Variants in CHODL observed in about 807,000 individuals in gnomAD.
CHODL encodes transmembrane protein MT75.
Under a neutral mutation model 34.5 loss-of-function variants are expected in CHODL, and 29 were observed. That is an observed-to-expected ratio of 0.84 (90% CI 0.63 to 1.15). The LOEUF (loss-of-function observed/expected upper bound fraction) is 1.15, where lower values mean the gene tolerates loss of function less well. Among genes scored for constraint, CHODL ranks in the 50% most tolerant of loss-of-function variants. The pLI is 0.00. For synonymous variants in CHODL, 125 were observed against 116.1 expected (o/e 1.08, Z -0.49); for missense variants, 332 against 332.5 (o/e 1.00, Z 0.01).
At chr21:17,968,857 G>A (rs2063593373) in intron 1 of CHODL, among the ~76,000 whole-genome samples, 1 of 152,176 alleles carries the variant, frequency 6.6e-6, no homozygotes, top group Non-Finnish European at 1.5e-5. Context: ...CTCAGTGGTT[G>A]TATTACTGAA....
At position 18,007,114 on chromosome 21, in the gene CHODL, G is replaced by A. The variant is rs963131099; in HGVS notation, c.-144-20758G>A. 3.3e-5 allele frequency among the ~76,000 whole-genome samples: 5 copies of A among 152,048 alleles called. No homozygotes were observed. In the East Asian group the frequency reaches 9.6e-4, roughly 29 times the overall value. Reference sequence around the variant, plus strand: ...TAGGAGAGGTTCAAAGAATACGTGTGGAATTGAATTTTAAAAAAAACTACT... The same window carrying A: ...TAGGAGAGGTTCAAAGAATACGTGTAGAATTGAATTTTAAAAAAAACTACT... On this transcript the variant is annotated intron_variant, in intron 1 of 6. Coordinates refer to the CHODL transcript ENST00000400127.
At chr21:18,055,617 G>A (rs933221430) in intron 2 of CHODL, among the ~76,000 whole-genome samples, 6 of 152,090 alleles carry the variant, frequency 3.9e-5, no homozygotes, top group East Asian at 3.9e-4. Context: ...TAGCATATCC[G>A]GCAGGGCTAA....
Position 18,266,296 on chromosome 21 carries a change from G to C in CHODL, c.*258G>C. The C allele has an allele frequency of 9.0e-7, 1 of 1,112,750 alleles. No homozygotes were observed. The allele number at this position is 1,112,750 out of a possible 1,614,324, so 68.9% of individuals were successfully genotyped here. ...CTTCAAACTTCAAGCAAATGAAATG[G>C]ACAATGCAGATAAAGTTGTTATCAA... On this transcript the variant is annotated 3_prime_UTR_variant, in exon 6 of 6. Transcript: ENST00000299295.
chr21:18,065,381 A>C (rs1423503505), intron 2 of CHODL, among the ~76,000 whole-genome samples: 3 of 152,214 alleles, frequency 2.0e-5, no homozygotes. Context: ...GAATGGATTT[A>C]ATGCATAAAT....
chr21:18,011,015 T>C (rs975145160), intron 1 of CHODL, among the ~76,000 whole-genome samples: 3 of 152,070 alleles, frequency 2.0e-5, no homozygotes, highest in Non-Finnish European at 4.4e-5. Flanking sequence ...AACAATGGGG[T>C]TTTTTGAAGT....
intron 1 of CHODL, among the ~76,000 whole-genome samples, chr21:18,018,897 C>T (rs116635026): frequency 3.6e-3 from 555 of 152,304 alleles, no homozygotes; most frequent in African/African-American, 0.013. Context: ...GAAGAGTCAA[C>T]GAATAGGCAC....
intron 1 of CHODL, among the ~76,000 whole-genome samples, chr21:18,014,691 C>T (rs1020658144): frequency 6.6e-6 from 1 of 152,150 alleles, no homozygotes; most frequent in East Asian, 1.9e-4. Flanking sequence ...CTCTCTCGTT[C>T]CTGCTCTTGC....
intron 1 of CHODL, among the ~76,000 whole-genome samples, chr21:18,250,161 G>A (rs1339144619): frequency 6.6e-6 from 1 of 152,096 alleles, no homozygotes; most frequent in Non-Finnish European, 1.5e-5. Flanking sequence ...TAAGAAGACT[G>A]AGGCCAGGGG....
intron 1 of CHODL, 63 bp from the exon 2 acceptor site, chr21:18,256,446 C>T: frequency 7.1e-7 from 1 of 1,415,180 alleles, no homozygotes. Flanking sequence ...CATTTTGATT[C>T]TTAGTGTTGT....
chr21:18,082,501 G>A (rs1027630724), intron 2 of CHODL, among the ~76,000 whole-genome samples: 11 of 152,156 alleles, frequency 7.2e-5, no homozygotes, highest in Non-Finnish European at 1.6e-4. Flanking sequence ...AGTTTAGAGG[G>A]TTAAGATAGG....
chr21:18,023,454 A>G (rs1182833915), intron 1 of CHODL, among the ~76,000 whole-genome samples: 2 of 152,054 alleles, frequency 1.3e-5, no homozygotes, highest in Non-Finnish European at 2.9e-5. Flanking sequence ...TGGGCCAGGG[A>G]CCAGTGCTGA....
At chr21:18,051,308 T>C (rs2064512863) in intron 2 of CHODL, among the ~76,000 whole-genome samples, 1 of 152,120 alleles carries the variant, frequency 6.6e-6, no homozygotes, top group South Asian at 2.1e-4. Context: ...ATGTGCCACA[T>C]TTTCTTTATC....
intron 2 of CHODL, among the ~76,000 whole-genome samples, chr21:18,171,904 T>A (rs2824677): frequency 0.47 from 71,603 of 152,004 alleles, 19,905 homozygotes; most frequent in Non-Finnish European, 0.64. Flanking sequence ...TCTCCTTCCT[T>A]ATTCCAAGGG....
chr21:17,943,245 A>G (rs1489590635), intron 1 of CHODL, among the ~76,000 whole-genome samples: 4 of 152,220 alleles, frequency 2.6e-5, no homozygotes, highest in Non-Finnish European at 5.9e-5. Context: ...TTGAAAGGGC[A>G]TAAAAGAATA....
chr21:18,126,730 T>TA, intron 2 of CHODL, among the ~76,000 whole-genome samples: 1 of 152,320 alleles, frequency 6.6e-6, no homozygotes, highest in East Asian at 1.9e-4. Flanking sequence ...AAATGGCATT[T>TA]AAAAAATCTT....
intron 2 of CHODL, among the ~76,000 whole-genome samples, chr21:18,209,811 A>G (rs559016361): frequency 1.3e-5 from 2 of 152,050 alleles, no homozygotes; most frequent in Non-Finnish European, 2.9e-5. Flanking sequence ...GTGTGTCTAG[A>G]AATGTTGTCC....
chr21:17,985,156 T>C (rs2063743778), intron 1 of CHODL, among the ~76,000 whole-genome samples: 1 of 152,208 alleles, frequency 6.6e-6, no homozygotes, highest in Non-Finnish European at 1.5e-5. Flanking sequence ...ATCTATAATA[T>C]AGATACTTCC....
In CHODL at chr21:18,193,710, A is replaced by AAT. The variant is rs1491083663; in HGVS notation, c.-44-62799_-44-62798insAT. On this transcript the variant is annotated intron_variant, in intron 2 of 6. Transcript: ENST00000400127. ...GACTCTGTCTCAGAAAAAAAAAAAAATAAAATAAATAAATAAATAAATAAA... is the reference window on the plus strand; with the variant it reads ...GACTCTGTCTCAGAAAAAAAAAAAAAATTAAAATAAATAAATAAATAAATAAA... Among the ~76,000 whole-genome samples, 5 of 143,292 alleles carry AAT rather than the reference A, an allele frequency of 3.5e-5. 1 individual carries two copies. Among genetic ancestry groups the AAT allele is most frequent in the African/African-American group, 1.3e-4 (5 of 37,584 alleles). 94.0% of individuals were successfully genotyped at this position (143,292 alleles called of 152,430 possible).
intron 2 of CHODL, among the ~76,000 whole-genome samples, chr21:18,083,601 G>T (rs1050453086): frequency 1.3e-5 from 2 of 152,240 alleles, no homozygotes; most frequent in African/African-American, 4.8e-5. Context: ...AGCTTCCCAA[G>T]ACCATGAGAA....
Sources: gnomAD v4.1 joint callset for allele counts (sites outside exome capture counted in the v4.1 genomes callset) on GRCh38, gnomAD v4.1.1 for gene constraint, MANE v1.5 for transcripts, NCBI Gene and HGNC (gene_info 2026-07-23, HGNC 2026-07-21) for gene names.